TMEM50B: variants seen among roughly 807,000 people sequenced by gnomAD.
The protein encoded by TMEM50B is HCV p7-trans-regulated protein 3.
In TMEM50B, 14 loss-of-function variants were observed where a neutral mutation model predicts 23.4. That is an observed-to-expected ratio of 0.60 (90% CI 0.39 to 0.93). The LOEUF is 0.93. Among genes scored for constraint, TMEM50B ranks in the 40% least tolerant of loss-of-function variants. TMEM50B has a pLI of 0.00. For synonymous variants in TMEM50B, 64 were observed against 62.3 expected (o/e 1.03, Z -0.13); for missense variants, 159 against 193.0 (o/e 0.82, Z 1.04).
At chr21:33,470,856 C>T (rs2084309065) in intron 1 of TMEM50B, among the ~76,000 whole-genome samples, 1 of 152,106 alleles carries the variant, frequency 6.6e-6, no homozygotes, top group African/African-American at 2.4e-5. Context: ...CACCACTGCA[C>T]TCCAGCCTGG....
chr21:33,456,180 AAG>A, intron 5 of TMEM50B: 1 of 458,814 alleles, frequency 2.2e-6, no homozygotes, highest in South Asian at 1.6e-5. Flanking sequence ...TCATGAATTC[AAG>A]AGGTTTTTTG....
chr21:33,445,638 T>C (rs565890548), downstream of TMEM50B, among the ~76,000 whole-genome samples: 4 of 152,212 alleles, frequency 2.6e-5, no homozygotes, highest in East Asian at 7.7e-4. Flanking sequence ...CTACTAAAAA[T>C]ACAAAAACAA....
chr21:33,472,154 C>T (rs77141665), intron 1 of TMEM50B, among the ~76,000 whole-genome samples: 22,533 of 151,558 alleles, frequency 0.15, 1,856 homozygotes, highest in African/African-American at 0.21. Context: ...GAGGCCAAGG[C>T]GGGGGGATCA....
intron 1 of TMEM50B, among the ~76,000 whole-genome samples, chr21:33,472,208 C>A (rs1248871760): frequency 1.3e-5 from 2 of 151,318 alleles, no homozygotes; most frequent in Non-Finnish European, 1.5e-5. Flanking sequence ...ATGGTGAAAC[C>A]CCGTCTCCAC....
intron 8 of TMEM50B, among the ~76,000 whole-genome samples, chr21:33,434,243 C>T (rs573346424): frequency 2.6e-5 from 4 of 152,124 alleles, no homozygotes; most frequent in African/African-American, 7.2e-5. Flanking sequence ...CATTTGCAGC[C>T]GGGCGCAGTG....
chr21:33,438,731 CT>C (rs200509447), intron 8 of TMEM50B, among the ~76,000 whole-genome samples: 9 of 147,760 alleles, frequency 6.1e-5, no homozygotes, highest in Non-Finnish European at 7.5e-5. Context: ...AAGAAAGTGG[CT>C]TTTTTTTTTT....
intron 4 of TMEM50B, among the ~76,000 whole-genome samples, chr21:33,461,282 G>A (rs998701770): frequency 3.9e-5 from 6 of 152,086 alleles, no homozygotes; most frequent in Non-Finnish European, 7.4e-5. Context: ...TGTTACCAGG[G>A]AAAAGATTCA....
chr21:33,479,567 C>A (rs2084407740), intron 1 of TMEM50B, among the ~76,000 whole-genome samples: 1 of 152,208 alleles, frequency 6.6e-6, no homozygotes, highest in South Asian at 2.1e-4. Flanking sequence ...CGCGGCAGGG[C>A]AGCCTCCCCG....
intron 1 of TMEM50B, among the ~76,000 whole-genome samples, chr21:33,477,434 A>C (rs2084383956): frequency 6.7e-6 from 1 of 149,046 alleles, no homozygotes; most frequent in African/African-American, 2.4e-5. Flanking sequence ...AAGAGTGAAC[A>C]AACAAGGAAT....
downstream of TMEM50B, among the ~76,000 whole-genome samples, chr21:33,444,973 A>G (rs950199529): frequency 1.3e-5 from 2 of 151,478 alleles, no homozygotes; most frequent in African/African-American, 4.9e-5. Context: ...TCTACAAAAC[A>G]TTAACAATTA....
intron 2 of TMEM50B, among the ~76,000 whole-genome samples, chr21:33,468,181 G>A (rs1314307704): frequency 2.0e-5 from 3 of 151,666 alleles, no homozygotes; most frequent in Non-Finnish European, 4.4e-5. Context: ...TGGGATAAAG[G>A]AGGTGATGGA....
At chr21:33,447,681 TACACACACACAC>T (rs764155101), downstream of TMEM50B, among the ~76,000 whole-genome samples, 9 of 132,130 alleles carry the variant, frequency 6.8e-5, no homozygotes, top group Non-Finnish European at 1.3e-4. Flanking sequence ...TGTATAGAAA[TACACACACACAC>T]ACACACACAC....
chr21:33,470,496 C>T (rs570257180), intron 1 of TMEM50B, among the ~76,000 whole-genome samples: 94 of 149,232 alleles, frequency 6.3e-4, no homozygotes, highest in Non-Finnish European at 1.3e-3. Flanking sequence ...CTTTGGGAGG[C>T]CAAGGCAGGC....
At chr21:33,447,831 C>T (rs1213046802), downstream of TMEM50B, among the ~76,000 whole-genome samples, 1 of 151,702 alleles carries the variant, frequency 6.6e-6, no homozygotes, top group Non-Finnish European at 1.5e-5. Context: ...TAATATTGGT[C>T]CACACACAAA....
downstream of TMEM50B, among the ~76,000 whole-genome samples, chr21:33,445,625 T>A (rs1477032517): frequency 1.3e-5 from 2 of 152,112 alleles, no homozygotes; most frequent in East Asian, 3.9e-4. Flanking sequence ...CAAAACCCCA[T>A]CTCTACTAAA....
At chr21:33,441,298 C>G (rs147345350) in intron 7 of TMEM50B, among the ~76,000 whole-genome samples, 324 of 152,044 alleles carry the variant, frequency 2.1e-3, no homozygotes, top group African/African-American at 7.1e-3. Context: ...GCCACTATGT[C>G]TTTGAAGTGC....
intron 7 of TMEM50B, among the ~76,000 whole-genome samples, chr21:33,441,558 A>G (rs1253103020): frequency 6.6e-6 from 1 of 152,092 alleles, no homozygotes; most frequent in Non-Finnish European, 1.5e-5. Flanking sequence ...TCCTCATAGA[A>G]GTGTTTGTTG....
At chr21:33,469,004 G>A in intron 1 of TMEM50B, 78 bp from the exon 2 acceptor site, 1 of 734,650 alleles carries the variant, frequency 1.4e-6, no homozygotes, top group South Asian at 1.8e-5. Flanking sequence ...CTTTCTTAAA[G>A]CTTTACACAC....
chr21:33,432,663 T>G lies in TMEM50B; in HGVS notation c.*2260A>C, dbSNP rs1196916520. On this transcript the variant is annotated 3_prime_UTR_variant and NMD_transcript_variant, in exon 9 of 9. Transcript: ENST00000420455. ...CATGGATGGAACATTAACTGATGTT[T>G]GTGTTGTGCGTAGGAAGATCATTCT... The G allele has an allele frequency of 2.5e-6, 4 of 1,587,278 alleles. No homozygotes were observed. In the African/African-American group the frequency reaches 5.4e-5, roughly 21 times the overall value.
Sources: gnomAD v4.1 joint callset for allele counts (sites outside exome capture counted in the v4.1 genomes callset) on GRCh38, gnomAD v4.1.1 for gene constraint, MANE v1.5 for transcripts, NCBI Gene and HGNC (gene_info 2026-07-23, HGNC 2026-07-21) for gene names.